Variants in PIGG observed in about 807,000 individuals in gnomAD.
PIGG encodes GPI ethanolamine phosphate transferase 2, catalytic subunit.
Under a neutral mutation model 83.2 loss-of-function variants are expected in PIGG, and 70 were observed. The observed-to-expected ratio is 0.84, with a 90% CI of 0.69 to 1.03. PIGG has a LOEUF of 1.03. Among genes scored for constraint, PIGG ranks in the 50% least tolerant of loss-of-function variants. The pLI is 0.00. For synonymous variants in PIGG, 532 were observed against 519.5 expected (o/e 1.02, Z -0.33); for missense variants, 1,257 against 1,233.6 (o/e 1.02, Z -0.28).
chr4:531,778 C>T (rs1316296793), intron 11 of PIGG: 1 of 152,636 alleles, frequency 6.6e-6, no homozygotes, highest in African/African-American at 2.4e-5. Flanking sequence ...GCTCAGGCCC[C>T]TGTCCTCCTC....
At chr4:511,936 G>A (rs1214775086) in intron 5 of PIGG, among the ~76,000 whole-genome samples, 1 of 152,164 alleles carries the variant, frequency 6.6e-6, no homozygotes, top group African/African-American at 2.4e-5. Context: ...GGCCTCCATG[G>A]TTTCTGATGA....
rs928217178 is a variant in PIGG at position 515,598 on chromosome 4, G to A, written c.902-375G>A. ...AATCCAGAGGGGCCGGGCTGTCAGC[G>A]ATCCCAGCCTCACTTCATTCTCCGG... On this transcript the variant is annotated intron_variant, in intron 5 of 12. Transcript: ENST00000453061. This position sits in a 1 kb window ranked among gnomAD's most constrained non-coding sequence, Gnocchi z 4.2. Among the ~76,000 whole-genome samples the A allele has an allele frequency of 1.3e-5, 2 of 152,226 alleles. No homozygotes were observed. Among genetic ancestry groups the A allele is most frequent in the African/African-American group, 4.8e-5 (2 of 41,466 alleles).
intron 9 of PIGG, chr4:525,392 G>A (rs1577113059): frequency 1.0e-6 from 1 of 983,368 alleles, no homozygotes; most frequent in East Asian, 1.1e-4. Flanking sequence ...GAGAGCATCT[G>A]CGGCGAGAGT....
rs1175181387 is a variant in PIGG at position 534,025 on chromosome 4, G to C, written c.2735+44G>C. On this transcript the variant is annotated intron_variant, in intron 12 of 12. Transcript: ENST00000453061. ...GTCAGCACAGTTCTGGGGGCCGGCT[G>C]CCTGGTTTTAAGGGTCGTACTTTGT... The C allele has an allele frequency of 3.8e-6, 6 of 1,589,830 alleles. No homozygotes were observed. The African/African-American group carries it at 6.7e-5, about 18-fold the overall frequency.
chr4:537,957 G>C (rs1012063532), intron 12 of PIGG, among the ~76,000 whole-genome samples: 3 of 152,098 alleles, frequency 2.0e-5, no homozygotes, highest in Non-Finnish European at 4.4e-5. Context: ...TGGGCTGACA[G>C]GACTGAGGAG....
chr4:522,270 A>T, intron 8 of PIGG: 1 of 556,996 alleles, frequency 1.8e-6, no homozygotes, highest in East Asian at 3.0e-5. Flanking sequence ...GGGTGTGTGA[A>T]TCGGACAGCC....
intron 6 of PIGG, among the ~76,000 whole-genome samples, chr4:518,724 A>T (rs1724767973): frequency 6.6e-6 from 1 of 151,902 alleles, no homozygotes; most frequent in African/African-American, 2.4e-5. Context: ...CTGTTAAAGG[A>T]ATGCAGGAGC....
At chr4:502,712 A>T (rs917863323) in intron 2 of PIGG, among the ~76,000 whole-genome samples, 6 of 152,112 alleles carry the variant, frequency 3.9e-5, no homozygotes, top group Admixed American at 3.3e-4. Context: ...GGATGAGGGG[A>T]TGCCAAGTAG....
At position 500,482 on chromosome 4, in the gene PIGG, G is replaced by T. The variant is rs782117894; in HGVS notation, c.241G>T (p.Val81Leu). The T allele has an allele frequency of 4.6e-5, 74 of 1,613,274 alleles. No individual in the cohort carries two copies. In the Admixed American group the frequency reaches 1.2e-3, roughly 26 times the overall value. Residue 81 changes from valine (V) to leucine (L), a missense_variant, in exon 2 of 13, where the codon GTG becomes TTG. By Grantham distance (32) the Val-to-Leu change is conservative. Transcript: ENST00000453061. The stretch of plus-strand genomic sequence containing the variant: ...GATAGATGCCTTGAGAGATGATTTT[G>T]TGTTTGGGTCAAAGGGTGTGAAATT... ...VLIDALRDDF[V>L]FGSKGVKFMP...
intron 6 of PIGG, among the ~76,000 whole-genome samples, chr4:520,073 A>G (rs1165688137): frequency 6.6e-6 from 1 of 152,162 alleles, no homozygotes; most frequent in African/African-American, 2.4e-5. Flanking sequence ...GACTTGTGCC[A>G]CAGCACCCTG....
rs139476674 is a variant in PIGG at position 523,670 on chromosome 4, T to A, written c.1826T>A (p.Leu609His). The part of the protein sequence containing the change: ...LGDDGEPPCG[L>H]CVEQGHDGAT... ...GATGACGGTGAGCCTCCGTGTGGCC[T>A]CTGTGTGGAACAAGGGCATGACGGG... The change falls in exon 9 of 13, where the codon CTC becomes CAC. Residue 609 changes from leucine (L) to histidine (H), a missense_variant. Leu to His is a moderately conservative substitution (Grantham distance 99). Transcript: ENST00000453061. The A allele has an allele frequency of 6.9e-5, 111 of 1,613,984 alleles. No individual in the cohort carries two copies. The highest frequency in any genetic ancestry group is 9.2e-5 in the Non-Finnish European group (109 of 1,179,946).
chr4:507,542 G>C lies in PIGG; in HGVS notation c.708G>C (p.Leu236=). The part of the protein sequence containing the change: ...GPNSPLIGQK[L]SEMDSVLMKI... ...ACAGCCCCCTGATTGGGCAGAAGCT[G>C]AGCGAGATGGACAGCGTGCTGATGA... Residue 236 remains leucine, a synonymous_variant, in exon 4 of 13, where the codon CTG becomes CTC. Transcript: ENST00000453061. The C allele has an allele frequency of 1.2e-6, 2 of 1,614,198 alleles. No homozygotes were observed. The highest frequency in any genetic ancestry group is 2.7e-5 in the African/African-American group (2 of 75,072).
intron 12 of PIGG, among the ~76,000 whole-genome samples, chr4:534,360 G>A (rs1407376376): frequency 6.6e-6 from 1 of 152,234 alleles, no homozygotes; most frequent in Non-Finnish European, 1.5e-5. Context: ...TTCCCCTTTG[G>A]GGACATGAAG....
In PIGG at chr4:500,403, T is replaced by C. The variant is rs782546875; in HGVS notation, c.162T>C (p.Ser54=). 6.2e-7 allele frequency: 1 copy of C among 1,613,194 alleles called. No homozygotes were observed. The highest frequency in any genetic ancestry group is 2.2e-5 in the East Asian group (1 of 44,880). ...TTTCTTTCAAACACTTAGGAGCCAG[T>C]TCTAACTGGACCACGCTGCCACCAC... ...PPAPEPSAGA[S]SNWTTLPPPL... is the part of the protein sequence containing the mutation. The change falls in exon 2 of 13, where the codon AGT becomes AGC. Residue 54 remains serine (S), a synonymous_variant. Coordinates refer to ENST00000453061, the MANE Select transcript of PIGG (RefSeq NM_001127178.3).
intron 5 of PIGG, among the ~76,000 whole-genome samples, chr4:512,751 G>C (rs782170514): frequency 2.8e-4 from 43 of 152,104 alleles, no homozygotes; most frequent in Admixed American, 9.8e-4. Flanking sequence ...GGAGGCAGAG[G>C]TTGCAGTGAG....
chr4:499,755 C>T (rs868928639), intron 1 of PIGG: 18 of 1,315,712 alleles, frequency 1.4e-5, no homozygotes, highest in Middle Eastern at 2.8e-4. Context: ...GGGATCCAGC[C>T]TCTCCACTTC....
chr4:507,593 G>A lies in PIGG; in HGVS notation c.759G>A (p.Lys253=), dbSNP rs1553880478. 5.0e-6 allele frequency: 8 copies of A among 1,608,556 alleles called. No homozygotes were observed. Among genetic ancestry groups the A allele is most frequent in the Non-Finnish European group, 5.9e-6 (7 of 1,176,926 alleles). ...AGATCCACACCTCACTGCAGTCGAA[G>A]GTGAGGCTCGCCGTCGCTCACTGTC... The part of the protein sequence containing the change: ...LMKIHTSLQS[K]ERETPLPNLL... The change falls in exon 4 of 13, where the codon AAG becomes AAA. Residue 253 remains lysine (K), a splice_region_variant and synonymous_variant. Transcript: ENST00000453061.
At chr4:508,523 G>T (rs761745423) in intron 4 of PIGG, among the ~76,000 whole-genome samples, 3 of 152,226 alleles carry the variant, frequency 2.0e-5, no homozygotes, top group Non-Finnish European at 2.9e-5. Flanking sequence ...AGAGTAGAAT[G>T]CGTCCAGAGT....
Position 499,308 on chromosome 4 carries a change from G to C in PIGG, c.-28G>C. ...CAGGGCGAGGCTCCAGGTGGGGTCGGTTCCGCATCCAGCCTAGCGTGTCCA... is the reference window on the plus strand; with the variant it reads ...CAGGGCGAGGCTCCAGGTGGGGTCGCTTCCGCATCCAGCCTAGCGTGTCCA... On this transcript the variant is annotated 5_prime_UTR_variant, in exon 1 of 13. Coordinates refer to ENST00000453061, the MANE Select transcript of PIGG (RefSeq NM_001127178.3). 6.2e-7 allele frequency: 1 copy of C among 1,600,794 alleles called. No individual in the cohort carries two copies. Among genetic ancestry groups the C allele is most frequent in the Non-Finnish European group, 8.5e-7 (1 of 1,178,614 alleles).
Sources: gnomAD v4.1 joint callset for allele counts (sites outside exome capture counted in the v4.1 genomes callset) on GRCh38, gnomAD v4.1.1 for gene constraint, Gnocchi (gnomAD v3.1) non-coding constraint, MANE v1.5 for transcripts, NCBI Gene and HGNC (gene_info 2026-07-23, HGNC 2026-07-21) for gene names.